Variants in TBX5 observed in about 807,000 individuals in gnomAD.
TBX5 encodes the protein T-box transcription factor TBX5.
Under a neutral mutation model 51.1 loss-of-function variants are expected in TBX5, and 8 were observed. That is an observed-to-expected ratio of 0.16 (90% CI 0.09 to 0.28). The LOEUF is 0.28. Among genes scored for constraint, TBX5 ranks in the 10% least tolerant of loss-of-function variants. TBX5 has a pLI of 1.00. For synonymous variants in TBX5, 302 were observed against 266.4 expected (o/e 1.13, Z -1.30); for missense variants, 589 against 671.7 (o/e 0.88, Z 1.36).
At chr12:114,371,471 C>T (rs1004348131) in intron 7 of TBX5, among the ~76,000 whole-genome samples, 4 of 152,140 alleles carry the variant, frequency 2.6e-5, no homozygotes, top group African/African-American at 9.7e-5. Context: ...CAAACTGCAT[C>T]CTCAGCCTCC....
At chr12:114,384,467 T>C (rs1480191997) in intron 7 of TBX5, among the ~76,000 whole-genome samples, 1 of 152,134 alleles carries the variant, frequency 6.6e-6, no homozygotes, top group Non-Finnish European at 1.5e-5. Flanking sequence ...TTGCAAAATT[T>C]GACCTGATAA....
intron 6 of TBX5, among the ~76,000 whole-genome samples, chr12:114,389,092 C>G (rs1871001204): frequency 6.6e-6 from 1 of 151,726 alleles, no homozygotes; most frequent in South Asian, 2.1e-4. Flanking sequence ...ACACACCTGG[C>G]TAATTTTTGT....
intron 2 of TBX5, among the ~76,000 whole-genome samples, chr12:114,402,285 A>C (rs1411077123): frequency 6.6e-6 from 1 of 152,128 alleles, no homozygotes; most frequent in East Asian, 1.9e-4. Context: ...CAAACCAAAA[A>C]AAAAAAACCA....
In TBX5 at chr12:114,360,910, G is replaced by T. The variant is rs1423578986; in HGVS notation, c.983-4804C>A. Among the ~76,000 whole-genome samples, 7 of 152,266 alleles carry T rather than the reference G, an allele frequency of 4.6e-5. No individual in the cohort carries two copies. In the East Asian group the frequency reaches 1.2e-3, roughly 25 times the overall value. On this transcript the variant is annotated intron_variant, in intron 8 of 8. Coordinates refer to ENST00000405440, the MANE Select transcript of TBX5 (RefSeq NM_181486.4). ...GAAGATTCTCAACGAGAAATCAAAA[G>T]ACTCAGTTTGAAACATCACCTAGTC... is the stretch of plus-strand genomic sequence containing the variant.
In TBX5 at chr12:114,355,817, C is replaced by T; in HGVS notation, c.1272G>A (p.Gln424=). The change falls in exon 9 of 9, where the codon CAG becomes CAA. Residue 424 remains glutamine (Q), a synonymous_variant. Transcript: ENST00000405440. ...TVQPMDRLPY[Q]HFSAHFTSGP... ...CCGAGGTGAAGTGAGCGGAGAAGTGCTGGTAGGGTAGCCTGTCCATGGGCT... is the reference window on the plus strand; with the variant it reads ...CCGAGGTGAAGTGAGCGGAGAAGTGTTGGTAGGGTAGCCTGTCCATGGGCT... The T allele has an allele frequency of 6.2e-7, 1 of 1,614,096 alleles. No homozygotes were observed. The highest frequency in any genetic ancestry group is 8.5e-7 in the Non-Finnish European group (1 of 1,180,040).
chr12:114,394,604 C>A, intron 6 of TBX5, 137 bp downstream of exon 6: 1 of 1,194,124 alleles, frequency 8.4e-7, no homozygotes, highest in Admixed American at 1.8e-5. Context: ...AGCTTTGTCC[C>A]CACCCCAGCA....
intron 2 of TBX5, 135 bp downstream of exon 2, chr12:114,403,617 T>C (rs1871977756): frequency 7.5e-7 from 1 of 1,325,256 alleles, no homozygotes; most frequent in Admixed American, 2.3e-5. Context: ...GGAAAAGGGA[T>C]GATTATAGTC....
chr12:114,396,602 C>A (rs1476883004), intron 5 of TBX5, among the ~76,000 whole-genome samples: 6 of 152,100 alleles, frequency 3.9e-5, no homozygotes, highest in Admixed American at 2.6e-4. Flanking sequence ...CCTAGAGAGA[C>A]CCCAAAGGCA....
chr12:114,405,664 T>C lies in TBX5; in HGVS notation c.-75A>G. ...AAGCCGGTGCATTCACCACATCCTC[T>C]GCTGCTCCTAGCAGGGAAGCCGGCG... is the stretch of plus-strand genomic sequence containing the variant. On this transcript the variant is annotated 5_prime_UTR_variant, in exon 1 of 9. Transcript: ENST00000405440. 1.0e-6 allele frequency: 1 copy of C among 979,574 alleles called. No homozygotes were observed. The highest frequency in any genetic ancestry group is 1.2e-6 in the Non-Finnish European group (1 of 824,548). 60.7% of individuals were successfully genotyped at this position (979,574 alleles called of 1,614,324 possible).
At chr12:114,359,062 G>T (rs2136364049) in intron 8 of TBX5, among the ~76,000 whole-genome samples, 1 of 152,200 alleles carries the variant, frequency 6.6e-6, no homozygotes, top group East Asian at 1.9e-4. Context: ...TCAAGTTTCT[G>T]ATCCCCTTCC....
chr12:114,357,577 A>G (rs900102076), intron 8 of TBX5, among the ~76,000 whole-genome samples: 8 of 152,228 alleles, frequency 5.3e-5, no homozygotes, highest in Admixed American at 1.3e-4. Flanking sequence ...TTGAGCATGT[A>G]AAGTCTCCTG....
intron 8 of TBX5, among the ~76,000 whole-genome samples, chr12:114,357,501 A>G (rs779602208): frequency 2.0e-5 from 3 of 152,178 alleles, no homozygotes; most frequent in Non-Finnish European, 4.4e-5. Context: ...CTACGCTCAG[A>G]GACTCATCAT....
intron 7 of TBX5, among the ~76,000 whole-genome samples, chr12:114,377,653 C>T (rs1414880762): frequency 1.3e-5 from 2 of 149,512 alleles, no homozygotes; most frequent in Non-Finnish European, 3.0e-5. Context: ...TGATCTCAAG[C>T]AATTCTCCTC....
At position 114,355,272 on chromosome 12, in the gene TBX5, G is replaced by C; in HGVS notation, c.*260C>G. 1.9e-6 allele frequency: 1 copy of C among 528,776 alleles called. No individual in the cohort carries two copies. The highest frequency in any genetic ancestry group is 3.5e-6 in the Non-Finnish European group (1 of 283,296). The allele number at this position is 528,776 out of a possible 1,614,324, so 32.8% of individuals were successfully genotyped here. A position where few individuals can be genotyped will look rare whatever the true frequency, so the allele number is the denominator to read the frequency against. ...ATGTGGCTGGTTGATGGGTGTGGTG[G>C]TAGTGGGGGGTGGGACTCATCTTTT... On this transcript the variant is annotated 3_prime_UTR_variant, in exon 9 of 9. Coordinates refer to ENST00000405440, the MANE Select transcript of TBX5 (RefSeq NM_181486.4).
chr12:114,398,509 A>C (rs1334878653), intron 5 of TBX5, 64 bp downstream of exon 5: 2 of 1,579,036 alleles, frequency 1.3e-6, no homozygotes, highest in Non-Finnish European at 1.7e-6. Flanking sequence ...AGAGAAACCC[A>C]GTGAGAAGAA....
rs55980450 is a variant in TBX5 at position 114,399,414 on chromosome 12, T to TA, written c.362+98dup. The TA allele has an allele frequency of 0.12, 165,005 of 1,340,890 alleles. 364 individuals carry two copies. Among genetic ancestry groups the TA allele is most frequent in the African/African-American group, 0.16 (10,428 of 66,758 alleles). The allele number at this position is 1,340,890 out of a possible 1,614,324, so 83.1% of individuals were successfully genotyped here. On this transcript the variant is annotated intron_variant, in intron 4 of 8. Transcript: ENST00000405440. ...GACGCCTTTAGCACACAGTAGGAAC[T>TA]AAAAAAAAAAAAAAAGTTCACTGAT...
chr12:114,380,548 G>A (rs1870451841), intron 7 of TBX5, among the ~76,000 whole-genome samples: 1 of 152,150 alleles, frequency 6.6e-6, no homozygotes, highest in Non-Finnish European at 1.5e-5. Flanking sequence ...CAGGACTGAT[G>A]TGTCCATGGG....
chr12:114,373,518 G>A (rs1870031250), intron 7 of TBX5, among the ~76,000 whole-genome samples: 1 of 152,182 alleles, frequency 6.6e-6, no homozygotes, highest in African/African-American at 2.4e-5. Flanking sequence ...GAGTGCAATG[G>A]TGCAATCTCA....
At position 114,363,450 on chromosome 12, in the gene TBX5, C is replaced by T. The variant is rs147421355; in HGVS notation, c.982+2715G>A. On this transcript the variant is annotated intron_variant, in intron 8 of 8. Transcript: ENST00000405440. ...TAAGGATGCTGCTGTAAATATTGAA[C>T]CTAAAAAGCACCATGATCCTTTTTA... Among the ~76,000 whole-genome samples, 591 of 152,322 alleles carry T rather than the reference C, an allele frequency of 3.9e-3. 2 individuals carry two copies. Among genetic ancestry groups the T allele is most frequent in the Admixed American group, 9.5e-3 (145 of 15,306 alleles).
Sources: allele counts gnomAD v4.1 joint callset (sites outside exome capture counted in the v4.1 genomes callset), GRCh38; gene constraint gnomAD v4.1.1; transcripts MANE v1.5; gene names NCBI Gene and HGNC (gene_info 2026-07-23, HGNC 2026-07-21).